Variants in OPCML observed in about 807,000 individuals in gnomAD.
The protein encoded by OPCML is opioid binding protein/cell adhesion molecule like.
A neutral mutation model predicts 37.8 loss-of-function variants in OPCML; 13 were observed. That is an observed-to-expected ratio of 0.34 (90% CI 0.22 to 0.55). OPCML has a LOEUF of 0.55. Among genes scored for constraint, OPCML ranks in the 20% least tolerant of loss-of-function variants. OPCML has a pLI of 0.91. For missense variants in OPCML, 341 were observed against 435.6 expected (o/e 0.78, Z 1.93); for synonymous variants, 176 against 168.8 (o/e 1.04, Z -0.33).
intron 1 of OPCML, among the ~76,000 whole-genome samples, chr11:133,247,220 G>A (rs896780058): frequency 2.0e-5 from 3 of 152,132 alleles, no homozygotes; most frequent in African/African-American, 7.2e-5. Context: ...ACATATGAAG[G>A]GTGGGCTAGT....
chr11:132,553,689 G>A (rs1223169210), intron 3 of OPCML, among the ~76,000 whole-genome samples: 4 of 152,206 alleles, frequency 2.6e-5, no homozygotes, highest in Admixed American at 6.5e-5. Context: ...AAGTTTGAAT[G>A]TTTAGAAAGG....
intron 4 of OPCML, among the ~76,000 whole-genome samples, chr11:132,482,605 G>A (rs61163232): frequency 0.013 from 1,958 of 152,304 alleles, 45 homozygotes; most frequent in African/African-American, 0.044. Context: ...AAGCTGGGCA[G>A]AGACACAACC....
intron 1 of OPCML, among the ~76,000 whole-genome samples, chr11:133,443,591 G>A (rs1446774560): frequency 6.6e-6 from 1 of 152,174 alleles, no homozygotes; most frequent in Non-Finnish European, 1.5e-5. Context: ...TAGTAACCAG[G>A]TTACTTCACC....
intron 2 of OPCML, among the ~76,000 whole-genome samples, chr11:132,841,302 C>T (rs922456638): frequency 2.6e-5 from 4 of 152,254 alleles, no homozygotes; most frequent in Admixed American, 6.5e-5. Context: ...CCCCCGGCCC[C>T]CACTAATTAT....
intron 1 of OPCML, among the ~76,000 whole-genome samples, chr11:133,033,214 C>T (rs772407329): frequency 6.6e-6 from 1 of 152,138 alleles, no homozygotes; most frequent in Non-Finnish European, 1.5e-5. Context: ...AGATTAGATT[C>T]ACACAAGGCA....
chr11:133,218,289 G>C (rs555166244), intron 1 of OPCML, among the ~76,000 whole-genome samples: 55 of 152,190 alleles, frequency 3.6e-4, no homozygotes, highest in African/African-American at 1.2e-3. Flanking sequence ...TCAAGTTCCC[G>C]AGACACCAAT....
At chr11:133,037,539 A>C (rs1947804785) in intron 1 of OPCML, among the ~76,000 whole-genome samples, 1 of 152,196 alleles carries the variant, frequency 6.6e-6, no homozygotes, top group South Asian at 2.1e-4. Context: ...TGGAGTGTAA[A>C]GTGCAAGCTC....
At chr11:133,473,820 A>G (rs950532113) in intron 1 of OPCML, among the ~76,000 whole-genome samples, 1 of 152,230 alleles carries the variant, frequency 6.6e-6, no homozygotes, top group Non-Finnish European at 1.5e-5. Context: ...CCCAAGAGCT[A>G]TCTGCATACT....
intron 1 of OPCML, among the ~76,000 whole-genome samples, chr11:133,048,083 C>T (rs867700066): frequency 3.9e-5 from 6 of 152,082 alleles, no homozygotes; most frequent in Admixed American, 6.5e-5. Context: ...TCGGGTAAGA[C>T]GCATGCATGG....
intron 3 of OPCML, among the ~76,000 whole-genome samples, chr11:132,568,256 G>T (rs376852921): frequency 6.6e-6 from 1 of 152,068 alleles, no homozygotes; most frequent in Non-Finnish European, 1.5e-5. Flanking sequence ...CCTTATACAA[G>T]GTTGTTTACT....
chr11:133,155,832 C>T (rs1176934657), intron 1 of OPCML, among the ~76,000 whole-genome samples: 1 of 152,144 alleles, frequency 6.6e-6, no homozygotes, highest in Non-Finnish European at 1.5e-5. Flanking sequence ...ACCCACTTTC[C>T]AGAATCAGAA....
rs541365938 is a variant in OPCML, at chr11:133,517,910, C to T, written c.61+14354G>A. Among the ~76,000 whole-genome samples, 84 of 152,268 alleles carry T rather than the reference C, an allele frequency of 5.5e-4. No homozygotes were observed. In the South Asian group the frequency reaches 0.017, roughly 31 times the overall value. On this transcript the variant is annotated intron_variant, in intron 1 of 7. Coordinates refer to ENST00000524381, the MANE Select transcript of OPCML (RefSeq NM_001012393.5). ...TGTGCACCTTGCTGAGCACCAGGCACAGAATGGGCAAGGAGGATGACTGGG... is the reference window on the plus strand; with the variant it reads ...TGTGCACCTTGCTGAGCACCAGGCATAGAATGGGCAAGGAGGATGACTGGG...
chr11:132,974,718 T>C (rs977602832), intron 1 of OPCML, among the ~76,000 whole-genome samples: 8 of 152,192 alleles, frequency 5.3e-5, no homozygotes, highest in Admixed American at 6.5e-5. Flanking sequence ...ATTGCAGCAC[T>C]ATCCAATGGG....
chr11:132,834,696 A>T (rs1231866327), intron 2 of OPCML, among the ~76,000 whole-genome samples: 1 of 152,136 alleles, frequency 6.6e-6, no homozygotes, highest in Non-Finnish European at 1.5e-5. Context: ...TATTAGCCAT[A>T]TTGGATTAGG....
chr11:132,849,852 C>G (rs752760276), intron 2 of OPCML, among the ~76,000 whole-genome samples: 13 of 152,192 alleles, frequency 8.5e-5, no homozygotes, highest in Non-Finnish European at 1.3e-4. Flanking sequence ...AGGCATTGTG[C>G]CAGTCCTCAT....
rs1229310356 is a variant in OPCML, at chr11:132,829,417, CTGAA to C, written c.146+113505_146+113508del. 2.6e-5 allele frequency among the ~76,000 whole-genome samples: 4 copies of C among 152,302 alleles called. No individual in the cohort carries two copies. In the East Asian group the frequency reaches 7.7e-4, roughly 29 times the overall value. On this transcript the variant is annotated intron_variant, in intron 2 of 7. Coordinates refer to ENST00000524381, the MANE Select transcript of OPCML (RefSeq NM_001012393.5). Reference sequence around the variant, plus strand: ...AGCATGAATGAACAAGTGAATATTACTGAATGAGTCAATTAATGAAGATGGAAAC... The same window carrying C: ...AGCATGAATGAACAAGTGAATATTACTGAGTCAATTAATGAAGATGGAAAC...
At chr11:132,534,707 A>G (rs1180553223) in intron 3 of OPCML, among the ~76,000 whole-genome samples, 1 of 152,150 alleles carries the variant, frequency 6.6e-6, no homozygotes, top group African/African-American at 2.4e-5. Context: ...TTATTTACTG[A>G]GTCTAAGCCC....
intron 1 of OPCML, among the ~76,000 whole-genome samples, chr11:133,036,009 C>G (rs1304030458): frequency 6.6e-6 from 1 of 152,166 alleles, no homozygotes; most frequent in Non-Finnish European, 1.5e-5. Flanking sequence ...GTTTAAGCCA[C>G]TCATCCTGTA....
At chr11:132,584,159 A>C (rs2096467631) in intron 3 of OPCML, among the ~76,000 whole-genome samples, 1 of 152,176 alleles carries the variant, frequency 6.6e-6, no homozygotes, top group South Asian at 2.1e-4. Flanking sequence ...CAAAATGAGG[A>C]GTTTATATAC....
Sources: gnomAD v4.1 joint callset for allele counts (sites outside exome capture counted in the v4.1 genomes callset) on GRCh38, gnomAD v4.1.1 for gene constraint, MANE v1.5 for transcripts, NCBI Gene and HGNC (gene_info 2026-07-23, HGNC 2026-07-21) for gene names.